Variants in ST18 observed in about 807,000 individuals in gnomAD.
ST18 encodes suppression of tumorigenicity 18 protein.
A neutral mutation model predicts 110.0 loss-of-function variants in ST18; 50 were observed. The observed-to-expected ratio is 0.45, with a 90% CI of 0.36 to 0.58. The LOEUF is 0.58. ST18 is among the 20% of genes least tolerant of loss of function. The pLI is 0.00. For synonymous variants in ST18, 461 were observed against 452.4 expected (o/e 1.02, Z -0.24); for missense variants, 1,306 against 1,280.1 (o/e 1.02, Z -0.31).
chr8:52,226,801 T>G (rs976374842), intron 3 of ST18, among the ~76,000 whole-genome samples: 3 of 152,216 alleles, frequency 2.0e-5, no homozygotes, highest in Non-Finnish European at 4.4e-5. Context: ...CAAATAAAGC[T>G]TTTTATTATG....
chr8:52,255,860 T>C (rs1422028365), intron 2 of ST18, among the ~76,000 whole-genome samples: 1 of 152,184 alleles, frequency 6.6e-6, no homozygotes, highest in East Asian at 1.9e-4. Context: ...AGAGAAAAGA[T>C]CTCAGTCTTC....
chr8:52,128,558 GTTA>G (rs759273650), intron 22 of ST18, among the ~76,000 whole-genome samples: 11 of 152,132 alleles, frequency 7.2e-5, no homozygotes, highest in Non-Finnish European at 1.5e-4. Flanking sequence ...TTTGAAGGTA[GTTA>G]TTATATAAAT....
intron 8 of ST18, among the ~76,000 whole-genome samples, chr8:52,200,138 T>A (rs1231118550): frequency 2.0e-5 from 3 of 152,180 alleles, no homozygotes; most frequent in Non-Finnish European, 1.5e-5. Flanking sequence ...GTTGTGGATA[T>A]TATCAATGAG....
intron 8 of ST18, among the ~76,000 whole-genome samples, chr8:52,198,981 G>A (rs2077069559): frequency 6.6e-6 from 1 of 152,148 alleles, no homozygotes. Flanking sequence ...GATAGGCTTA[G>A]CCCCAACACT....
intron 15 of ST18, among the ~76,000 whole-genome samples, chr8:52,152,255 C>T (rs373396430): frequency 6.6e-6 from 1 of 152,092 alleles, no homozygotes; most frequent in African/African-American, 2.4e-5. Flanking sequence ...CATAGATAGG[C>T]GATCACACGT....
At chr8:52,343,540 C>T (rs1180452772) in intron 2 of ST18, among the ~76,000 whole-genome samples, 1 of 152,138 alleles carries the variant, frequency 6.6e-6, no homozygotes, top group African/African-American at 2.4e-5. Context: ...GCAAAGTCCC[C>T]GTGGCCAAAA....
chr8:52,266,376 C>T (rs2094869478), intron 2 of ST18, among the ~76,000 whole-genome samples: 1 of 151,810 alleles, frequency 6.6e-6, no homozygotes, highest in African/African-American at 2.4e-5. Context: ...GCTCAAGACA[C>T]CAGAGAAGGA....
intron 2 of ST18, among the ~76,000 whole-genome samples, chr8:52,383,936 G>T (rs1471118932): frequency 6.6e-6 from 1 of 151,842 alleles, no homozygotes; most frequent in Non-Finnish European, 1.5e-5. Context: ...TTTTGTTTTG[G>T]AGAGGAGGTC....
intron 8 of ST18, among the ~76,000 whole-genome samples, chr8:52,187,951 A>C (rs1330525681): frequency 6.6e-6 from 1 of 152,230 alleles, no homozygotes; most frequent in Non-Finnish European, 1.5e-5. Context: ...AAAACTCAAC[A>C]ATTATTCAGC....
chr8:52,263,632 A>G, intron 2 of ST18, among the ~76,000 whole-genome samples: 1 of 140,096 alleles, frequency 7.1e-6, no homozygotes. Flanking sequence ...TTTAGTAGAG[A>G]TGGGGTTTCA....
chr8:52,403,550 T>C (rs932873634), intron 2 of ST18: 1 of 152,170 alleles, frequency 6.6e-6, no homozygotes, highest in African/African-American at 2.4e-5. Context: ...CTGAGCTGAA[T>C]AAGAGAATGG....
intron 2 of ST18, among the ~76,000 whole-genome samples, chr8:52,284,000 T>A (rs2095429205): frequency 6.6e-6 from 1 of 152,208 alleles, no homozygotes; most frequent in Non-Finnish European, 1.5e-5. Flanking sequence ...TAAAATGGGA[T>A]CAGTCAGCTT....
intron 2 of ST18, among the ~76,000 whole-genome samples, chr8:52,350,058 C>A (rs993212375): frequency 6.6e-5 from 10 of 152,098 alleles, no homozygotes; most frequent in African/African-American, 2.4e-4. Flanking sequence ...CAGAACCCGG[C>A]CTGAAGTCTG....
chr8:52,152,983 A>G lies in ST18; in HGVS notation c.1807-3006T>C, dbSNP rs566287388. ...CCTACTATGTTTACAACTAGGGAAA[A>G]AAGAGAGAAATGTGTTTTCTGAAAA... On this transcript the variant is annotated intron_variant, in intron 15 of 25. Coordinates refer to ENST00000689386, the MANE Select transcript of ST18 (RefSeq NM_001352837.2). Among the ~76,000 whole-genome samples, 5 of 152,368 alleles carry G rather than the reference A, an allele frequency of 3.3e-5. No homozygotes were observed. The South Asian group carries it at 1.0e-3, about 32-fold the overall frequency.
At chr8:52,273,890 G>A (rs2095154621) in intron 2 of ST18, among the ~76,000 whole-genome samples, 1 of 152,118 alleles carries the variant, frequency 6.6e-6, no homozygotes, top group Non-Finnish European at 1.5e-5. Flanking sequence ...GGATTAACAA[G>A]GCAATTCATT....
intron 2 of ST18, among the ~76,000 whole-genome samples, chr8:52,314,178 C>T (rs911007330): frequency 2.6e-5 from 4 of 152,196 alleles, no homozygotes; most frequent in African/African-American, 9.6e-5. Flanking sequence ...GCCCTTTTGT[C>T]TTTCCTTGGC....
intron 8 of ST18, among the ~76,000 whole-genome samples, chr8:52,208,484 G>C (rs62501022): frequency 6.6e-6 from 1 of 152,178 alleles, no homozygotes; most frequent in African/African-American, 2.4e-5. Flanking sequence ...CCAAGATTTA[G>C]ATAGAATAAT....
intron 10 of ST18, among the ~76,000 whole-genome samples, chr8:52,168,925 C>T (rs1277040959): frequency 6.6e-6 from 1 of 152,154 alleles, no homozygotes; most frequent in Admixed American, 6.5e-5. Context: ...AGGAGAAGAG[C>T]AATAATGTGT....
chr8:52,222,162 C>G (rs1215548828), intron 3 of ST18: 2 of 152,166 alleles, frequency 1.3e-5, no homozygotes, highest in African/African-American at 4.8e-5. Flanking sequence ...TTTATTTTCT[C>G]AAAGATTGCC....
Sources: gnomAD v4.1 joint callset for allele counts (sites outside exome capture counted in the v4.1 genomes callset) on GRCh38, gnomAD v4.1.1 for gene constraint, MANE v1.5 for transcripts, NCBI Gene and HGNC (gene_info 2026-07-23, HGNC 2026-07-21) for gene names.